Variants in L3MBTL4 observed in about 807,000 individuals in gnomAD.
The protein encoded by L3MBTL4 is L3MBTL histone methyl-lysine binding protein 4.
A neutral mutation model predicts 84.5 loss-of-function variants in L3MBTL4; 70 were observed. That is an observed-to-expected ratio of 0.83 (90% CI 0.68 to 1.01). The LOEUF (loss-of-function observed/expected upper bound fraction) is 1.01, where lower values mean the gene tolerates loss of function less well. Among genes scored for constraint, L3MBTL4 ranks in the 50% least tolerant of loss-of-function variants. L3MBTL4 has a pLI of 0.00. For synonymous variants in L3MBTL4, 274 were observed against 259.8 expected (o/e 1.05, Z -0.52); for missense variants, 715 against 754.8 (o/e 0.95, Z 0.62).
intron 4 of L3MBTL4, among the ~76,000 whole-genome samples, chr18:6,272,174 G>C (rs543498307): frequency 6.6e-6 from 1 of 152,330 alleles, no homozygotes; most frequent in South Asian, 2.1e-4. Flanking sequence ...GATAATCGAC[G>C]GGAGAGAGAA....
At chr18:6,124,550 A>G (rs1450450878) in intron 14 of L3MBTL4, among the ~76,000 whole-genome samples, 1 of 151,892 alleles carries the variant, frequency 6.6e-6, no homozygotes, top group Non-Finnish European at 1.5e-5. Flanking sequence ...AAACTAGAAG[A>G]TGATAGCAAG....
intron 4 of L3MBTL4, among the ~76,000 whole-genome samples, chr18:6,265,238 TC>T (rs1352162700): frequency 6.6e-6 from 1 of 152,246 alleles, no homozygotes; most frequent in Non-Finnish European, 1.5e-5. Flanking sequence ...TTCCCAATTT[TC>T]TTTGTGCTTT....
intron 16 of L3MBTL4, among the ~76,000 whole-genome samples, chr18:5,983,570 G>A (rs1378147129): frequency 3.3e-5 from 5 of 152,092 alleles, no homozygotes; most frequent in Admixed American, 1.3e-4. Flanking sequence ...AGACTGACTC[G>A]AGTAGGCTGT....
At chr18:6,040,747 G>C (rs11876787) in intron 16 of L3MBTL4, among the ~76,000 whole-genome samples, 2,505 of 152,214 alleles carry the variant, frequency 0.016, 76 homozygotes, top group African/African-American at 0.057. Context: ...GTCTGAGAAA[G>C]AGAGACACCT....
chr18:6,371,515 T>A (rs1445287305), intron 1 of L3MBTL4, among the ~76,000 whole-genome samples: 1 of 152,028 alleles, frequency 6.6e-6, no homozygotes, highest in Admixed American at 6.5e-5. Context: ...CACTGCACGA[T>A]CCTGAGGAAA....
intron 1 of L3MBTL4, among the ~76,000 whole-genome samples, chr18:6,391,260 A>G (rs964472014): frequency 2.0e-5 from 3 of 152,354 alleles, no homozygotes; most frequent in Admixed American, 2.0e-4. Flanking sequence ...TAGATACAGA[A>G]AAAGCATTTT....
intron 13 of L3MBTL4, among the ~76,000 whole-genome samples, chr18:6,168,367 C>T (rs2145149793): frequency 6.6e-6 from 1 of 152,192 alleles, no homozygotes; most frequent in South Asian, 2.1e-4. Context: ...CCCGCATTGC[C>T]AAGTCAATCC....
At chr18:6,347,746 G>A (rs1009998295) in intron 1 of L3MBTL4, among the ~76,000 whole-genome samples, 6 of 151,838 alleles carry the variant, frequency 4.0e-5, no homozygotes, top group Admixed American at 1.3e-4. Context: ...CTTTTCTTCT[G>A]AGTTGGAAAT....
chr18:6,205,390 T>C (rs891365863), intron 12 of L3MBTL4, among the ~76,000 whole-genome samples: 1 of 152,222 alleles, frequency 6.6e-6, no homozygotes, highest in African/African-American at 2.4e-5. Context: ...AAATGTAACA[T>C]AGTAAATTTG....
intron 1 of L3MBTL4, among the ~76,000 whole-genome samples, chr18:6,384,598 T>A (rs1051970977): frequency 5.9e-5 from 9 of 152,366 alleles, no homozygotes; most frequent in African/African-American, 2.2e-4. Context: ...TTTAAAATAT[T>A]TCTGCAAATG....
chr18:6,321,606 T>A (rs2051406029), intron 1 of L3MBTL4, among the ~76,000 whole-genome samples: 1 of 152,218 alleles, frequency 6.6e-6, no homozygotes, highest in African/African-American at 2.4e-5. Context: ...ATACATTGTT[T>A]ATTGAAGCAC....
intron 16 of L3MBTL4, among the ~76,000 whole-genome samples, chr18:6,078,290 G>A (rs957012608): frequency 2.0e-5 from 3 of 151,144 alleles, no homozygotes; most frequent in African/African-American, 7.3e-5. Flanking sequence ...AGCCGGATGT[G>A]GCGGTGTGAG....
intron 16 of L3MBTL4, among the ~76,000 whole-genome samples, chr18:6,074,652 T>A (rs1181696462): frequency 6.6e-6 from 1 of 152,194 alleles, no homozygotes; most frequent in African/African-American, 2.4e-5. Context: ...CTGGTGTTAT[T>A]TAACTAAATG....
chr18:6,213,271 AT>A lies in L3MBTL4; in HGVS notation c.871-13del, dbSNP rs1555691538. On this transcript the variant is annotated splice_polypyrimidine_tract_variant and intron_variant, in intron 11 of 18. Coordinates refer to ENST00000317931, the MANE Select transcript of L3MBTL4 (RefSeq NM_001330559.2). ...CCATGAGGCAACCTCTGTAAATGTTATTATAAGTACAACAAATCATGCAAAA... is the reference window on the plus strand; with the variant it reads ...CCATGAGGCAACCTCTGTAAATGTTATATAAGTACAACAAATCATGCAAAA... The A allele has an allele frequency of 6.9e-7, 1 of 1,446,098 alleles. No individual in the cohort carries two copies. The highest frequency in any genetic ancestry group is 9.3e-7 in the Non-Finnish European group (1 of 1,069,778). 89.6% of individuals were successfully genotyped at this position (1,446,098 alleles called of 1,614,324 possible). A position where few individuals can be genotyped will look rare whatever the true frequency, so the allele number is the denominator to read the frequency against.
At chr18:6,009,176 G>C (rs961105508) in intron 16 of L3MBTL4, among the ~76,000 whole-genome samples, 1 of 152,206 alleles carries the variant, frequency 6.6e-6, no homozygotes, top group Non-Finnish European at 1.5e-5. Flanking sequence ...CAGATGGGCA[G>C]GCAGGACAAG....
rs2049099856 is a variant in L3MBTL4 at position 6,276,817 on chromosome 18, G to GTGAAAAATTTTC, written c.128-12780_128-12779insGAAAATTTTTCA. On this transcript the variant is annotated intron_variant, in intron 4 of 18. Transcript: ENST00000317931. ...AAGAAATAGGAAATGCTAGCAGTTA[G>GTGAAAAATTTTC]CGGCTCTATAAATTTCCGATGTGGT... Among the ~76,000 whole-genome samples, 3 of 152,176 alleles carry GTGAAAAATTTTC rather than the reference G, an allele frequency of 2.0e-5. No homozygotes were observed. In the South Asian group the frequency reaches 6.2e-4, roughly 32 times the overall value.
chr18:6,160,744 A>G (rs999218107), intron 13 of L3MBTL4, among the ~76,000 whole-genome samples: 1 of 151,856 alleles, frequency 6.6e-6, no homozygotes. Flanking sequence ...AAAAAAAAAA[A>G]AAAAAAGCAC....
intron 13 of L3MBTL4, among the ~76,000 whole-genome samples, chr18:6,152,886 A>C (rs1759649435): frequency 6.6e-6 from 1 of 152,164 alleles, no homozygotes; most frequent in Non-Finnish European, 1.5e-5. Context: ...TTAAGTCTTT[A>C]ATCCATTTCA....
intron 14 of L3MBTL4, among the ~76,000 whole-genome samples, chr18:6,095,343 A>G (rs1368829381): frequency 2.4e-5 from 3 of 122,460 alleles, no homozygotes; most frequent in African/African-American, 8.1e-5. Flanking sequence ...GAAGGGGAAC[A>G]TGGTTTTTTT....
Sources: gnomAD v4.1 joint callset for allele counts (sites outside exome capture counted in the v4.1 genomes callset) on GRCh38, gnomAD v4.1.1 for gene constraint, MANE v1.5 for transcripts, NCBI Gene and HGNC (gene_info 2026-07-23, HGNC 2026-07-21) for gene names.